The following PTGER3 variants were observed in gnomAD, a reference collection of about 807,000 sequenced individuals.
PTGER3 encodes prostaglandin E receptor 3.
A neutral mutation model predicts 34.7 loss-of-function variants in PTGER3; 22 were observed. The ratio of observed to expected loss-of-function variants is 0.63; its 90% CI spans 0.45 to 0.91. The LOEUF is 0.91. Among genes scored for constraint, PTGER3 ranks in the 40% least tolerant of loss-of-function variants. The pLI, the probability that PTGER3 is intolerant of heterozygous loss-of-function variation, is 0.00. For missense variants in PTGER3, 468 were observed against 519.4 expected (o/e 0.90, Z 0.96); for synonymous variants, 241 against 230.1 (o/e 1.05, Z -0.43).
At chr1:71,046,520 G>T (rs1557776023) in intron 1 of PTGER3, among the ~76,000 whole-genome samples, 161 bp downstream of exon 1, 1 of 152,304 alleles carries the variant, frequency 6.6e-6, no homozygotes, top group South Asian at 2.1e-4. Context: ...GAGGAGCTCA[G>T]CTCTGAAGCT....
intron 1 of PTGER3, among the ~76,000 whole-genome samples, chr1:71,027,767 A>T (rs1223835303): frequency 6.6e-6 from 1 of 152,134 alleles, no homozygotes; most frequent in East Asian, 1.9e-4. Context: ...TTGAATTTTA[A>T]TTCACCCAAT....
intron 4 of PTGER3, among the ~76,000 whole-genome samples, chr1:70,888,933 T>G (rs1403490766): frequency 1.3e-5 from 2 of 152,164 alleles, no homozygotes; most frequent in African/African-American, 4.8e-5. Flanking sequence ...AGCCCTGAGA[T>G]AGGGTGGGCC....
intron 2 of PTGER3, among the ~76,000 whole-genome samples, chr1:70,960,134 G>A (rs1254740170): frequency 1.3e-5 from 2 of 152,148 alleles, no homozygotes; most frequent in African/African-American, 2.4e-5. Context: ...TTCCCTCACA[G>A]CTCATGGAAG....
intron 1 of PTGER3, among the ~76,000 whole-genome samples, chr1:71,020,217 T>G (rs1394763782): frequency 6.6e-6 from 1 of 152,100 alleles, no homozygotes; most frequent in Non-Finnish European, 1.5e-5. Flanking sequence ...AAGCTTTCCC[T>G]GCCTTATTTA....
At chr1:71,044,789 G>A (rs1321962181) in intron 1 of PTGER3, among the ~76,000 whole-genome samples, 4 of 152,096 alleles carry the variant, frequency 2.6e-5, no homozygotes, top group Non-Finnish European at 4.4e-5. Context: ...CTGATTAACT[G>A]TATGGGTATT....
At chr1:70,985,857 G>T (rs1308322970) in intron 2 of PTGER3, among the ~76,000 whole-genome samples, 1 of 152,172 alleles carries the variant, frequency 6.6e-6, no homozygotes, top group African/African-American at 2.4e-5. Flanking sequence ...GTGGCAGTCT[G>T]TCACAGCTAT....
At chr1:70,877,079 A>G (rs1301049728) in intron 4 of PTGER3, among the ~76,000 whole-genome samples, 6 of 152,172 alleles carry the variant, frequency 3.9e-5, no homozygotes, top group African/African-American at 7.2e-5. Flanking sequence ...GATTCTCCCT[A>G]TCCACAAGCA....
intron 2 of PTGER3, chr1:71,008,355 C>T (rs1557735702): frequency 1.2e-6 from 1 of 860,234 alleles, no homozygotes; most frequent in Non-Finnish European, 1.4e-6. Context: ...TCATAATGCA[C>T]TCTGCTTATG....
rs1654266981 is a variant in PTGER3, at chr1:70,981,320, CTT to C, written c.1078-6934_1078-6933del. Among the ~76,000 whole-genome samples the C allele has an allele frequency of 5.3e-4, 38 of 71,358 alleles. No individual in the cohort carries two copies. The East Asian group carries it at 6.5e-3, about 12-fold the overall frequency. 46.8% of individuals were successfully genotyped at this position (71,358 alleles called of 152,430 possible). A position where few individuals can be genotyped will look rare whatever the true frequency, so the allele number is the denominator to read the frequency against. ...CCTTCCTTCCTTCCTTCCTTCCTTT[CTT>C]CTTTCTTTCTTTCTTTCTTTCTTTC... On this transcript the variant is annotated intron_variant, in intron 2 of 3. Transcript: ENST00000306666.
intron 1 of PTGER3, among the ~76,000 whole-genome samples, chr1:71,020,429 T>C (rs878982336): frequency 6.6e-6 from 1 of 152,166 alleles, no homozygotes; most frequent in Non-Finnish European, 1.5e-5. Flanking sequence ...TTAAATTTAT[T>C]AGTAAGCAGT....
intron 2 of PTGER3, among the ~76,000 whole-genome samples, chr1:71,003,115 A>T (rs139586628): frequency 0.01 from 1,599 of 152,308 alleles, 36 homozygotes; most frequent in African/African-American, 0.037. Context: ...AGAAATGCAA[A>T]CCATAAACAT....
intron 2 of PTGER3, among the ~76,000 whole-genome samples, chr1:70,982,386 G>C (rs1654468132): frequency 6.6e-6 from 1 of 152,084 alleles, no homozygotes; most frequent in Non-Finnish European, 1.5e-5. Context: ...ATGTCTGACA[G>C]ATCTACTGTC....
At chr1:70,908,519 G>A (rs74089141) in intron 4 of PTGER3, among the ~76,000 whole-genome samples, 4,303 of 152,202 alleles carry the variant, frequency 0.028, 230 homozygotes, top group African/African-American at 0.099. Context: ...TACACTAAGT[G>A]ATAACTGACT....
chr1:70,957,656 G>A (rs527487752), intron 2 of PTGER3, among the ~76,000 whole-genome samples: 1 of 152,154 alleles, frequency 6.6e-6, no homozygotes, highest in Non-Finnish European at 1.5e-5. Context: ...TCAAATTGGA[G>A]TAGTTATCAT....
chr1:71,046,648 A>G, intron 1 of PTGER3, 33 bp downstream of exon 1: 3 of 1,514,264 alleles, frequency 2.0e-6, no homozygotes, highest in Non-Finnish European at 2.6e-6. Context: ...TCGCACACGC[A>G]TCCTGACTTC....
chr1:70,946,490 A>G (rs903807013), intron 4 of PTGER3, among the ~76,000 whole-genome samples: 5 of 152,196 alleles, frequency 3.3e-5, no homozygotes, highest in African/African-American at 1.2e-4. Context: ...ATGGCAAGTA[A>G]TAAAACAATC....
chr1:70,991,027 T>C (rs1167878765), intron 2 of PTGER3, among the ~76,000 whole-genome samples: 1 of 152,210 alleles, frequency 6.6e-6, no homozygotes, highest in Non-Finnish European at 1.5e-5. Context: ...TTCCTTCCAA[T>C]GTGCTTCTCA....
chr1:71,007,463 C>G, intron 2 of PTGER3: 1 of 985,374 alleles, frequency 1.0e-6, no homozygotes, highest in Non-Finnish European at 1.2e-6. Flanking sequence ...CCTGGCCACT[C>G]AGTAGTACTA....
chr1:70,902,103 A>T (rs920278110), intron 4 of PTGER3, among the ~76,000 whole-genome samples: 1 of 152,208 alleles, frequency 6.6e-6, no homozygotes, highest in African/African-American at 2.4e-5. Flanking sequence ...AACCTTCCTT[A>T]AAAAAGGAAG....
Sources: allele counts gnomAD v4.1 joint callset (sites outside exome capture counted in the v4.1 genomes callset), GRCh38; gene constraint gnomAD v4.1.1; transcripts MANE v1.5; gene names NCBI Gene and HGNC (gene_info 2026-07-23, HGNC 2026-07-21).